The following SLC24A2 variants were observed in gnomAD, a reference collection of about 807,000 sequenced individuals.
The protein encoded by SLC24A2 is solute carrier family 24 member 2, also known as sodium/potassium/calcium exchanger 2.
In SLC24A2, 36 loss-of-function variants were observed where a neutral mutation model predicts 62.0. That is an observed-to-expected ratio of 0.58 (90% CI 0.44 to 0.77). The LOEUF (loss-of-function observed/expected upper bound fraction) is 0.77. SLC24A2 is among the 30% of genes least tolerant of loss of function. The probability of loss-of-function intolerance (pLI) is 0.00; values close to 1 mark genes in which losing one functional copy is unlikely to be tolerated. For synonymous variants in SLC24A2, 358 were observed against 294.0 expected (o/e 1.22, Z -2.23); for missense variants, 846 against 817.9 (o/e 1.03, Z -0.42).
chr9:19,877,779 T>C, the SLC24A2 span, among the ~76,000 whole-genome samples: 49 of 152,210 alleles, frequency 3.2e-4, no homozygotes, highest in African/African-American at 9.6e-4. Flanking sequence ...GCTTTGGATA[T>C]TAAAGGGAAC....
At chr9:20,301,972 G>A in the SLC24A2 span, among the ~76,000 whole-genome samples, 28 of 152,182 alleles carry the variant, frequency 1.8e-4, no homozygotes, top group Non-Finnish European at 4.1e-4. Context: ...GCCTTTTCCG[G>A]AATGTCATAG....
rs57467344 is a variant in SLC24A2, at chr9:19,775,442, A to G, written c.930+10495T>C. Among the ~76,000 whole-genome samples the G allele has an allele frequency of 7.6e-3, 1,150 of 152,312 alleles. 11 individuals are homozygous for G. The highest frequency in any genetic ancestry group is 0.025 in the African/African-American group (1,046 of 41,572). On this transcript the variant is annotated intron_variant, in intron 2 of 10. Coordinates refer to ENST00000341998, the MANE Select transcript of SLC24A2 (RefSeq NM_020344.4). ...TTCTATCTCAGAGCCAGAGAGCAAT[A>G]CATGGTTTGGTGAGTGTTGGCCTCA...
At chr9:20,291,810 T>C in the SLC24A2 span, among the ~76,000 whole-genome samples, 1 of 152,126 alleles carries the variant, frequency 6.6e-6, no homozygotes, top group African/African-American at 2.4e-5. Flanking sequence ...CCACTGGCCA[T>C]TTTTGACATG....
chr9:19,791,245 C>A (rs1823317087), upstream of SLC24A2, among the ~76,000 whole-genome samples: 2 of 152,148 alleles, frequency 1.3e-5, no homozygotes, highest in South Asian at 4.1e-4. Context: ...GTGTTCCAGG[C>A]AGGAAGAAGG....
At chr9:19,590,721 C>T (rs1387943154) in intron 5 of SLC24A2, among the ~76,000 whole-genome samples, 4 of 152,164 alleles carry the variant, frequency 2.6e-5, no homozygotes, top group African/African-American at 9.7e-5. Context: ...ACTCCCAGCT[C>T]GTTTTGTCCT....
chr9:20,278,518 T>C, the SLC24A2 span, among the ~76,000 whole-genome samples: 1 of 152,216 alleles, frequency 6.6e-6, no homozygotes, highest in South Asian at 2.1e-4. Flanking sequence ...ACTAGTCTCT[T>C]TGCTAAAGCA....
intron 2 of SLC24A2, among the ~76,000 whole-genome samples, chr9:19,719,621 T>C (rs763010266): frequency 6.6e-6 from 1 of 152,124 alleles, no homozygotes; most frequent in African/African-American, 2.4e-5. Flanking sequence ...CCAGCCTGGG[T>C]TGCACTTAGG....
intron 8 of SLC24A2, among the ~76,000 whole-genome samples, chr9:19,545,046 A>G (rs1041341401): frequency 6.6e-6 from 1 of 152,038 alleles, no homozygotes; most frequent in African/African-American, 2.4e-5. Flanking sequence ...CATTCTCTCC[A>G]TCACTTTCAG....
At chr9:19,755,718 C>A (rs1246796616) in intron 2 of SLC24A2, among the ~76,000 whole-genome samples, 1 of 152,144 alleles carries the variant, frequency 6.6e-6, no homozygotes, top group Non-Finnish European at 1.5e-5. Context: ...CACTACGATG[C>A]CATAATCTGG....
At chr9:19,732,840 G>A (rs919647498) in intron 2 of SLC24A2, among the ~76,000 whole-genome samples, 5 of 152,092 alleles carry the variant, frequency 3.3e-5, no homozygotes, top group African/African-American at 4.8e-5. Flanking sequence ...AAAAGGCTGA[G>A]AATTGAAAAT....
At chr9:19,573,295 C>A (rs867302385) in intron 7 of SLC24A2, 56 bp downstream of exon 7, 2 of 1,209,280 alleles carry the variant, frequency 1.7e-6, no homozygotes, top group Admixed American at 3.4e-5. Context: ...TGTGCTGCCA[C>A]GCTAGGATAT....
At chr9:20,137,252 G>T in the SLC24A2 span, among the ~76,000 whole-genome samples, 1 of 152,144 alleles carries the variant, frequency 6.6e-6, no homozygotes, top group Admixed American at 6.5e-5. Context: ...CATTTTCATG[G>T]TATTTAAAAG....
intron 2 of SLC24A2, among the ~76,000 whole-genome samples, chr9:19,640,351 T>G (rs569338947): frequency 6.6e-6 from 1 of 152,268 alleles, no homozygotes; most frequent in East Asian, 1.9e-4. Context: ...GTTGGATGCC[T>G]TTCTCTCTGT....
At chr9:19,697,322 G>C (rs750682046) in intron 2 of SLC24A2, among the ~76,000 whole-genome samples, 2 of 152,168 alleles carry the variant, frequency 1.3e-5, no homozygotes, top group African/African-American at 4.8e-5. Context: ...AGAATAGCTA[G>C]TGGATGCTGG....
At chr9:20,090,489 A>ATAGGGGTG in the SLC24A2 span, among the ~76,000 whole-genome samples, 1 of 152,262 alleles carries the variant, frequency 6.6e-6, no homozygotes, top group Admixed American at 6.5e-5. Flanking sequence ...ATATAGGGGT[A>ATAGGGGTG]TAGGGGAGCC....
the SLC24A2 span, among the ~76,000 whole-genome samples, chr9:20,297,387 G>T: frequency 6.6e-6 from 1 of 152,320 alleles, no homozygotes; most frequent in African/African-American, 2.4e-5. Flanking sequence ...TCAGGGTGAG[G>T]TGGCCAACAG....
At chr9:20,281,076 T>C in the SLC24A2 span, among the ~76,000 whole-genome samples, 1 of 152,064 alleles carries the variant, frequency 6.6e-6, no homozygotes, top group Non-Finnish European at 1.5e-5. Flanking sequence ...ACTACAGGCA[T>C]GAGACACCAT....
chr9:19,961,023 G>GTGTGTGTGTGT, the SLC24A2 span, among the ~76,000 whole-genome samples: 2 of 141,618 alleles, frequency 1.4e-5, no homozygotes, highest in East Asian at 2.0e-4. Context: ...TAGAGGGGTG[G>GTGTGTGTGTGT]GTGTGTGTGT....
At chr9:20,044,874 A>T in the SLC24A2 span, among the ~76,000 whole-genome samples, 1 of 152,156 alleles carries the variant, frequency 6.6e-6, no homozygotes, top group South Asian at 2.1e-4. Context: ...GGTTGTTTTT[A>T]GAGTGACTCA....
Sources: allele counts gnomAD v4.1 joint callset (sites outside exome capture counted in the v4.1 genomes callset), GRCh38; gene constraint gnomAD v4.1.1; transcripts MANE v1.5; gene names NCBI Gene and HGNC (gene_info 2026-07-23, HGNC 2026-07-21).